The following THSD7A variants were observed in gnomAD, a reference collection of about 807,000 sequenced individuals.
The protein encoded by THSD7A is thrombospondin type-1 domain-containing protein 7A.
A neutral mutation model predicts 231.3 loss-of-function variants in THSD7A; 96 were observed. The observed-to-expected ratio is 0.41, with a 90% CI of 0.35 to 0.49. The LOEUF (loss-of-function observed/expected upper bound fraction) is 0.49, where lower values mean the gene tolerates loss of function less well. THSD7A is among the 20% of genes least tolerant of loss of function. The pLI, the probability that THSD7A is intolerant of heterozygous loss-of-function variation, is 0.05. For missense variants in THSD7A, 2,290 were observed against 2,070.2 expected (o/e 1.11, Z -2.06); for synonymous variants, 940 against 743.3 (o/e 1.26, Z -4.30).
chr7:11,416,984 T>C (rs1783984008), intron 17 of THSD7A, among the ~76,000 whole-genome samples: 1 of 152,234 alleles, frequency 6.6e-6, no homozygotes, highest in African/African-American at 2.4e-5. Flanking sequence ...TGCTTTTTAA[T>C]GTTAATACCC....
intron 1 of THSD7A, among the ~76,000 whole-genome samples, chr7:11,820,114 C>T (rs1437516657): frequency 1.3e-5 from 2 of 152,092 alleles, no homozygotes; most frequent in East Asian, 1.9e-4. Flanking sequence ...CTGGGCCTGA[C>T]CCCCGGGCTC....
At chr7:11,620,576 C>T (rs1285368698) in intron 2 of THSD7A, among the ~76,000 whole-genome samples, 2 of 152,200 alleles carry the variant, frequency 1.3e-5, no homozygotes, top group African/African-American at 4.8e-5. Flanking sequence ...ACACCCTTCT[C>T]ATCCTTTGGT....
At chr7:11,639,338 ATAACTG>A (rs1781987474) in intron 1 of THSD7A, among the ~76,000 whole-genome samples, 1 of 152,200 alleles carries the variant, frequency 6.6e-6, no homozygotes, top group African/African-American at 2.4e-5. Flanking sequence ...CTTAAAAAAC[ATAACTG>A]TACATTTTTA....
In THSD7A at chr7:11,377,790, C is replaced by A. The variant is rs1222391168; in HGVS notation, c.4802-1133G>T. 5 of 151,638 alleles carry A rather than the reference C, an allele frequency of 3.3e-5. No homozygotes were observed. The highest frequency in any genetic ancestry group is 1.2e-4 in the African/African-American group (5 of 41,284). The allele number at this position is 151,638 out of a possible 1,614,324, so 9.4% of individuals were successfully genotyped here. A position where few individuals can be genotyped will look rare whatever the true frequency, so the allele number is the denominator to read the frequency against. ...AATATCTAAGTTTTCAGAACATGCA[C>A]CTTTTAAATATTTTAAAATTTTAAC... On this transcript the variant is annotated intron_variant, in intron 26 of 27. Transcript: ENST00000423059. The surrounding 1 kb of genome is among the most constrained non-coding windows in gnomAD (Gnocchi z 4.5).
chr7:11,569,488 T>A (rs1349207418), intron 4 of THSD7A, among the ~76,000 whole-genome samples: 1 of 152,096 alleles, frequency 6.6e-6, no homozygotes, highest in Admixed American at 6.6e-5. Flanking sequence ...GATCATCTCA[T>A]CCAGTTAGAA....
At chr7:11,601,486 T>C (rs1780550610) in intron 2 of THSD7A, among the ~76,000 whole-genome samples, 1 of 152,190 alleles carries the variant, frequency 6.6e-6, no homozygotes, top group South Asian at 2.1e-4. Flanking sequence ...TTGTCTCTTG[T>C]GGCAACCTTG....
At chr7:11,724,441 A>ACTGCTCT (rs1781475198) in intron 1 of THSD7A, among the ~76,000 whole-genome samples, 4 of 151,894 alleles carry the variant, frequency 2.6e-5, no homozygotes, top group Non-Finnish European at 2.9e-5. Context: ...AGAGCTCTGT[A>ACTGCTCT]CTGATTTTAT....
chr7:11,423,067 T>C (rs898599956), intron 16 of THSD7A, among the ~76,000 whole-genome samples: 58 of 152,168 alleles, frequency 3.8e-4, no homozygotes, highest in Admixed American at 8.5e-4. Context: ...AATCTCTTTT[T>C]CTGTGTCCCT....
chr7:11,554,014 T>G (rs1789739372), intron 4 of THSD7A, among the ~76,000 whole-genome samples: 1 of 151,958 alleles, frequency 6.6e-6, no homozygotes, highest in Admixed American at 6.6e-5. Flanking sequence ...TGATATGAAA[T>G]TGTAATTTGA....
chr7:11,541,403 G>GATAC lies in THSD7A; in HGVS notation c.1822+12_1822+15dup. The GATAC allele has an allele frequency of 6.2e-7, 1 of 1,612,514 alleles. No individual in the cohort carries two copies. Among genetic ancestry groups the GATAC allele is most frequent in the Non-Finnish European group, 8.5e-7 (1 of 1,178,708 alleles). ...GTTGGACATCCATAAAAACATAATA[G>GATAC]ATACGTCTGTCTTACCATCACTGTT... On this transcript the variant is annotated intron_variant, in intron 6 of 27. Coordinates refer to ENST00000423059, the MANE Select transcript of THSD7A (RefSeq NM_015204.3).
intron 1 of THSD7A, among the ~76,000 whole-genome samples, chr7:11,802,244 T>G (rs1024618656): frequency 5.3e-5 from 8 of 152,230 alleles, no homozygotes; most frequent in African/African-American, 1.9e-4. Context: ...GTTTGACCCC[T>G]GCATTATCAT....
chr7:11,817,210 T>A (rs1392097927), intron 1 of THSD7A, among the ~76,000 whole-genome samples: 1 of 152,142 alleles, frequency 6.6e-6, no homozygotes, highest in Non-Finnish European at 1.5e-5. Context: ...GGAAGTCTGA[T>A]CACTCATCGT....
In THSD7A at chr7:11,373,282, G is replaced by A. The variant is rs1782131118; in HGVS notation, c.*2512C>T. On this transcript the variant is annotated 3_prime_UTR_variant, in exon 28 of 28. Coordinates refer to ENST00000423059, the MANE Select transcript of THSD7A (RefSeq NM_015204.3). ...CTATCCCACATTTCAAAATTAATAG[G>A]TGTTGCACACATTTCATAAGAGGGT... 6.6e-6 allele frequency: 1 copy of A among 151,780 alleles called. No individual in the cohort carries two copies. Among genetic ancestry groups the A allele is most frequent in the East Asian group, 1.9e-4 (1 of 5,184 alleles). The allele number at this position is 151,780 out of a possible 1,614,324, so 9.4% of individuals were successfully genotyped here.
At chr7:11,675,477 C>G (rs1323763726) in intron 1 of THSD7A, among the ~76,000 whole-genome samples, 1 of 152,156 alleles carries the variant, frequency 6.6e-6, no homozygotes, top group Non-Finnish European at 1.5e-5. Flanking sequence ...CTTAGTGGAT[C>G]CCACCGCCAT....
At chr7:11,536,580 A>T (rs1373712898) in intron 6 of THSD7A, among the ~76,000 whole-genome samples, 1 of 152,174 alleles carries the variant, frequency 6.6e-6, no homozygotes, top group Non-Finnish European at 1.5e-5. Context: ...TTATAGGTAC[A>T]ACTGTATGGT....
chr7:11,493,740 A>C (rs17632787), intron 6 of THSD7A, among the ~76,000 whole-genome samples: 12,467 of 152,076 alleles, frequency 0.082, 650 homozygotes, highest in Non-Finnish European at 0.11. Flanking sequence ...GAGTTGAAGC[A>C]ATTATTTAAG....
chr7:11,537,425 A>G (rs1788958642), intron 6 of THSD7A, among the ~76,000 whole-genome samples: 1 of 152,144 alleles, frequency 6.6e-6, no homozygotes, highest in African/African-American at 2.4e-5. Flanking sequence ...CTTTAGCACT[A>G]TCTCCTTGGT....
intron 23 of THSD7A, 99 bp downstream of exon 23, chr7:11,401,696 G>GCCAC (rs1783409112): frequency 8.7e-7 from 1 of 1,145,178 alleles, no homozygotes; most frequent in African/African-American, 1.6e-5. Context: ...ACAGGCGTGA[G>GCCAC]CCACCGCACG....
chr7:11,775,721 G>C (rs149384621), intron 1 of THSD7A, among the ~76,000 whole-genome samples: 8 of 152,252 alleles, frequency 5.3e-5, no homozygotes, highest in African/African-American at 1.9e-4. Flanking sequence ...AACTGGTACA[G>C]TTTCAGTTTT....
Sources: allele counts gnomAD v4.1 joint callset (sites outside exome capture counted in the v4.1 genomes callset), GRCh38; gene constraint gnomAD v4.1.1; non-coding constraint Gnocchi (gnomAD v3.1); transcripts MANE v1.5; gene names NCBI Gene and HGNC (gene_info 2026-07-23, HGNC 2026-07-21).